NCAPH: variants seen among roughly 807,000 people sequenced by gnomAD.
The protein encoded by NCAPH is condensin complex subunit 2.
A neutral mutation model predicts 85.5 loss-of-function variants in NCAPH; 38 were observed. That is an observed-to-expected ratio of 0.44 (90% CI 0.34 to 0.58). The LOEUF (loss-of-function observed/expected upper bound fraction) is 0.58. Among genes scored for constraint, NCAPH ranks in the 20% least tolerant of loss-of-function variants. The probability of loss-of-function intolerance (pLI) is 0.01; values close to 1 mark genes in which losing one functional copy is unlikely to be tolerated. For missense variants in NCAPH, 789 were observed against 916.6 expected (o/e 0.86, Z 1.80); for synonymous variants, 301 against 335.1 (o/e 0.90, Z 1.11).
chr2:96,360,316 T>C, intron 11 of NCAPH, 67 bp downstream of exon 11: 1 of 1,011,266 alleles, frequency 9.9e-7, no homozygotes, highest in Middle Eastern at 2.9e-4. Flanking sequence ...TTTTTAAAAT[T>C]CCGTATAAAT....
chr2:96,359,103 A>C lies in NCAPH; in HGVS notation c.1267A>C (p.Met423Leu). Residue 423 changes from methionine (M) to leucine (L), a missense_variant, in exon 10 of 18, where the codon ATG becomes CTG. Physicochemically the swap from Met to Leu is conservative, Grantham distance 15. Transcript: ENST00000240423. ...DIRTMCPLLS[M>L]KPGEYSYFSP... is the part of the protein sequence containing the mutation. ...CAGGACCATGTGCCCCCTTCTGTCT[A>C]TGAAACCTGGAGAATATTCTTATTT... 1 of 1,614,220 alleles carries C rather than the reference A, an allele frequency of 6.2e-7. No homozygotes were observed. The highest frequency in any genetic ancestry group is 8.5e-7 in the Non-Finnish European group (1 of 1,180,032).
intron 3 of NCAPH, among the ~76,000 whole-genome samples, chr2:96,342,351 G>A (rs978625637): frequency 1.3e-5 from 2 of 152,192 alleles, no homozygotes; most frequent in Admixed American, 6.5e-5. Context: ...AGGCAGCATG[G>A]CGCATGAGTT....
chr2:96,366,049 G>T lies in NCAPH; in HGVS notation c.1872G>T (p.Glu624Asp). ...ATGGGGAGTCAAACTTGGTAGCTGA[G>T]CCTCAGAAGGTACGGATGAAACAGC... Reference protein sequence around the residue: ...TTYGESNLVAEPQKVNKIEIH... With the variant: ...TTYGESNLVADPQKVNKIEIH... Residue 624 changes from glutamate to aspartate, a missense_variant, in exon 14 of 18, where the codon GAG (glutamate) becomes GAT (aspartate). Transcript: ENST00000240423. The T allele has an allele frequency of 1.9e-6, 3 of 1,614,186 alleles. No homozygotes were observed. The Admixed American group carries it at 5.0e-5, about 27-fold the overall frequency.
intron 1 of NCAPH, among the ~76,000 whole-genome samples, chr2:96,340,866 T>C (rs2064285250): frequency 6.6e-6 from 1 of 150,804 alleles, no homozygotes; most frequent in African/African-American, 2.4e-5. Context: ...CATTCTAGAG[T>C]GTTTCCTTGT....
chr2:96,340,362 A>G (rs566699113), intron 1 of NCAPH, among the ~76,000 whole-genome samples: 1 of 145,674 alleles, frequency 6.9e-6, no homozygotes, highest in African/African-American at 2.5e-5. Context: ...ACCCAGTAGG[A>G]TGACTAATAC....
intron 6 of NCAPH, among the ~76,000 whole-genome samples, chr2:96,346,134 A>G (rs1485275902): frequency 6.6e-6 from 1 of 152,164 alleles, no homozygotes; most frequent in Non-Finnish European, 1.5e-5. Context: ...GGGAATGGAC[A>G]GCACAGGTTG....
At chr2:96,337,733 A>G (rs531431935) in intron 1 of NCAPH, among the ~76,000 whole-genome samples, 23 of 152,024 alleles carry the variant, frequency 1.5e-4, no homozygotes, top group African/African-American at 5.5e-4. Flanking sequence ...TTTTTTAGAG[A>G]CAGGGTCTTG....
chr2:96,360,796 G>A, intron 12 of NCAPH, 86 bp downstream of exon 12: 1 of 1,534,876 alleles, frequency 6.5e-7, no homozygotes, highest in Non-Finnish European at 8.9e-7. Flanking sequence ...TGAGGAAAAG[G>A]GAGAATGTGA....
chr2:96,345,229 G>A (rs943517998), intron 6 of NCAPH, among the ~76,000 whole-genome samples: 3 of 152,128 alleles, frequency 2.0e-5, no homozygotes, highest in Non-Finnish European at 4.4e-5. Flanking sequence ...GCCAAATGTG[G>A]CAACCTGAGG....
In NCAPH at chr2:96,341,766, C is replaced by A. The variant is rs375517216; in HGVS notation, c.144C>A (p.Gly48=). ...GGAAGGCGCCTCTCAATATTCCTGG[C>A]ACCCCAGTCCTCGAAGACTTTCCTC... ...LPRKAPLNIP[G]TPVLEDFPQN... is the part of the protein sequence containing the mutation. Residue 48 remains glycine (G), a synonymous_variant, in exon 2 of 18, where the codon GGC becomes GGA. Coordinates refer to ENST00000240423, the MANE Select transcript of NCAPH (RefSeq NM_015341.5). The A allele has an allele frequency of 6.2e-7, 1 of 1,614,072 alleles. No individual in the cohort carries two copies. The highest frequency in any genetic ancestry group is 1.3e-5 in the African/African-American group (1 of 74,926).
In NCAPH at chr2:96,364,561, C is replaced by T. The variant is rs377629285; in HGVS notation, c.1668C>T (p.Asn556=). Residue 556 remains asparagine, a synonymous_variant, in exon 13 of 18, where the codon AAC becomes AAT. Coordinates refer to ENST00000240423, the MANE Select transcript of NCAPH (RefSeq NM_015341.5). ...EIEDYDYNNP[N]DTSNFCPGLQ... The stretch of plus-strand genomic sequence containing the variant: ...AAGACTATGATTACAACAACCCTAA[C>T]GACACCTCCAACTTTTGCCCTGGAT... The T allele has an allele frequency of 1.4e-5, 22 of 1,613,144 alleles. No homozygotes were observed. The highest frequency in any genetic ancestry group is 4.5e-5 in the East Asian group (2 of 44,886).
intron 15 of NCAPH, 41 bp from the exon 16 acceptor site, chr2:96,368,931 A>T (rs373825298): frequency 2.0e-5 from 30 of 1,535,992 alleles, no homozygotes; most frequent in Non-Finnish European, 2.6e-6. Context: ...TCAAAAGTGC[A>T]CTAGCCCTAA....
intron 9 of NCAPH, 114 bp from the exon 10 acceptor site, chr2:96,358,927 TAATG>T: frequency 3.2e-6 from 3 of 938,770 alleles, no homozygotes; most frequent in Non-Finnish European, 4.7e-6. Flanking sequence ...GAATTATTAA[TAATG>T]AAGTTATTTG....
In NCAPH at chr2:96,364,612, C is replaced by G. The variant is rs2064669831; in HGVS notation, c.1698+21C>G. The G allele has an allele frequency of 4.6e-6, 7 of 1,524,344 alleles. No individual in the cohort carries two copies. In the East Asian group the frequency reaches 1.4e-4, roughly 29 times the overall value. The allele number at this position is 1,524,344 out of a possible 1,614,324, so 94.4% of individuals were successfully genotyped here. A position where few individuals can be genotyped will look rare whatever the true frequency, so the allele number is the denominator to read the frequency against. ...TACAGGTAAAGGGGGGAAAGGGGCT[C>G]TGTCCTCTCTTCTAAGCCAGGGAGT... On this transcript the variant is annotated intron_variant, in intron 13 of 17. Coordinates refer to ENST00000240423, the MANE Select transcript of NCAPH (RefSeq NM_015341.5).
In NCAPH at chr2:96,368,526, G is replaced by A. The variant is rs1048840844; in HGVS notation, c.1999-446G>A. Among the ~76,000 whole-genome samples the A allele has an allele frequency of 3.9e-5, 6 of 152,052 alleles. No individual in the cohort carries two copies. In the East Asian group the frequency reaches 7.7e-4, roughly 20 times the overall value. Reference sequence around the variant, plus strand: ...CAAAAAATTAGCTGGGCGTGGTGGCGGGCACCTGTAATCCCAGCTACTCGG... The same window carrying A: ...CAAAAAATTAGCTGGGCGTGGTGGCAGGCACCTGTAATCCCAGCTACTCGG... On this transcript the variant is annotated intron_variant, in intron 15 of 17. Coordinates refer to ENST00000240423, the MANE Select transcript of NCAPH (RefSeq NM_015341.5).
Position 96,374,923 on chromosome 2 carries a change from T to G in NCAPH, c.*1572T>G, listed in dbSNP as rs879317789. Among the ~76,000 whole-genome samples the G allele has an allele frequency of 5.3e-5, 8 of 152,138 alleles. No individual in the cohort carries two copies. Among genetic ancestry groups the G allele is most frequent in the Non-Finnish European group, 1.2e-4 (8 of 68,022 alleles). On this transcript the variant is annotated 3_prime_UTR_variant, in exon 18 of 18. Transcript: ENST00000240423. The stretch of plus-strand genomic sequence containing the variant: ...GAATTACCAGTAAAACTAGAAAGAT[T>G]GGGACCAAGTGCAGTGGCCCACACC...
intron 6 of NCAPH, among the ~76,000 whole-genome samples, chr2:96,346,962 C>T (rs2064370159): frequency 6.6e-6 from 1 of 151,970 alleles, no homozygotes; most frequent in Non-Finnish European, 1.5e-5. Flanking sequence ...AGAGCTACAC[C>T]AGGAATAAAT....
At chr2:96,367,204 G>A in intron 14 of NCAPH, 53 bp from the exon 15 acceptor site, 1 of 1,308,072 alleles carries the variant, frequency 7.6e-7, no homozygotes, top group South Asian at 1.2e-5. Flanking sequence ...AGTGAATTAT[G>A]GTAAAAGTTT....
At chr2:96,342,609 C>G in intron 3 of NCAPH, 147 bp from the exon 4 acceptor site, 3 of 690,480 alleles carry the variant, frequency 4.3e-6, no homozygotes, top group Admixed American at 2.7e-5. Context: ...GAGGATTTGG[C>G]TCTTGACAAG....
Sources: gnomAD v4.1 joint callset for allele counts (sites outside exome capture counted in the v4.1 genomes callset) on GRCh38, gnomAD v4.1.1 for gene constraint, MANE v1.5 for transcripts, NCBI Gene and HGNC (gene_info 2026-07-23, HGNC 2026-07-21) for gene names.